The following NLRP14 variants were observed in gnomAD, a reference collection of about 807,000 sequenced individuals.
NLRP14 encodes the protein NLR family pyrin domain containing 14.
Under a neutral mutation model 94.7 loss-of-function variants are expected in NLRP14, and 105 were observed. The ratio of observed to expected loss-of-function variants is 1.11; its 90% CI spans 0.95 to 1.30. The LOEUF is 1.30. NLRP14 is among the 50% of genes most tolerant of loss of function. NLRP14 has a pLI of 0.00. For synonymous variants in NLRP14, 508 were observed against 459.9 expected, an observed-to-expected ratio of 1.10 and a Z score of -1.34; for missense variants, 1,362 against 1,254.1, an observed-to-expected ratio of 1.09 and a Z score of -1.30.
intron 1 of NLRP14, among the ~76,000 whole-genome samples, chr11:7,030,689 AG>A (rs917636070): frequency 7.4e-4 from 112 of 152,332 alleles, no homozygotes; most frequent in African/African-American, 2.5e-3. Context: ...ACTGCTAGAC[AG>A]GGTCCAGAAA....
At chr11:7,048,488 T>A (rs1482176242) in intron 5 of NLRP14, among the ~76,000 whole-genome samples, 1 of 152,176 alleles carries the variant, frequency 6.6e-6, no homozygotes. Context: ...TTGTTTCCAT[T>A]AGCACTGAAA....
At chr11:7,074,044 A>G (rs1308061103), downstream of NLRP14, among the ~76,000 whole-genome samples, 1 of 152,190 alleles carries the variant, frequency 6.6e-6, no homozygotes, top group Non-Finnish European at 1.5e-5. Flanking sequence ...GAAACTATCC[A>G]GGAGCCTCCA....
chr11:7,060,177 AT>A, intron 9 of NLRP14, 113 bp downstream of exon 9: 1 of 970,762 alleles, frequency 1.0e-6, no homozygotes, highest in Non-Finnish European at 1.6e-6. Flanking sequence ...TATAAAGCTG[AT>A]TTTCCCTCTC....
At chr11:7,040,547 A>G (rs1852233019) in intron 3 of NLRP14, among the ~76,000 whole-genome samples, 2 of 152,296 alleles carry the variant, frequency 1.3e-5, no homozygotes, top group Middle Eastern at 3.4e-3. Context: ...CTGGTGCCCA[A>G]AAGATTGGGG....
At chr11:7,080,657 T>A in the NLRP14 span, among the ~76,000 whole-genome samples, 1 of 152,284 alleles carries the variant, frequency 6.6e-6, no homozygotes, top group East Asian at 1.9e-4. Flanking sequence ...ATATGACATA[T>A]CATACATAGC....
intron 11 of NLRP14, among the ~76,000 whole-genome samples, 163 bp downstream of exon 11, chr11:7,070,619 C>A (rs1852780121): frequency 6.6e-6 from 1 of 152,060 alleles, no homozygotes; most frequent in African/African-American, 2.4e-5. Flanking sequence ...TTGAGAGATA[C>A]AATATAGCAT....
chr11:7,062,860 T>C (rs551453126), intron 10 of NLRP14, among the ~76,000 whole-genome samples: 2 of 152,250 alleles, frequency 1.3e-5, no homozygotes, highest in South Asian at 4.1e-4. Flanking sequence ...ATCTGTAAAA[T>C]ACTATGTTCT....
chr11:7,042,590 G>C lies in NLRP14; in HGVS notation c.564G>C (p.Gly188=), dbSNP rs1325665097. The C allele has an allele frequency of 6.2e-7, 1 of 1,614,082 alleles. No homozygotes were observed. The highest frequency in any genetic ancestry group is 8.5e-7 in the Non-Finnish European group (1 of 1,180,036). The part of the protein sequence containing the change: ...IVVLQGAAGV[G]KTTLVRKAML... The stretch of plus-strand genomic sequence containing the variant: ...TGCTTCAGGGAGCTGCTGGAGTTGG[G>C]AAAACAACCTTGGTGAGAAAGGCAA... Residue 188 remains glycine, a synonymous_variant, in exon 4 of 12, where the codon GGG becomes GGC. Coordinates refer to ENST00000299481, the MANE Select transcript of NLRP14 (RefSeq NM_176822.4).
At chr11:7,079,596 A>T in the NLRP14 span, among the ~76,000 whole-genome samples, 1 of 152,354 alleles carries the variant, frequency 6.6e-6, no homozygotes, top group East Asian at 1.9e-4. Flanking sequence ...TGAAGACCAT[A>T]TATGTTAGAA....
At chr11:7,029,977 C>T (rs1850875983) in intron 1 of NLRP14, among the ~76,000 whole-genome samples, 1 of 152,202 alleles carries the variant, frequency 6.6e-6, no homozygotes, top group Admixed American at 6.5e-5. Flanking sequence ...CTGGCTCCTC[C>T]TTTGCCAATA....
chr11:7,058,400 G>C lies in NLRP14; in HGVS notation c.2583G>C (p.Lys861Asn), dbSNP rs1372658237. ...ADNVLGDGGVKLMSDALQHAQ... is the reference protein window; with the variant it reads ...ADNVLGDGGVNLMSDALQHAQ... ...ATGTCTTGGGTGATGGTGGAGTAAA[G>C]CTTATGAGTGATGCCCTGCAACATG... Residue 861 changes from lysine to asparagine, a missense_variant, in exon 8 of 12, where the codon AAG becomes AAC. By Grantham distance (94) the Lys-to-Asn change is moderately conservative. Transcript: ENST00000299481. The C allele has an allele frequency of 6.2e-7, 1 of 1,612,762 alleles. No homozygotes were observed. Among genetic ancestry groups the C allele is most frequent in the Non-Finnish European group, 8.5e-7 (1 of 1,179,056 alleles).
the NLRP14 span, chr11:7,090,061 A>T: frequency 6.2e-7 from 1 of 1,612,492 alleles, no homozygotes; most frequent in Non-Finnish European, 8.5e-7. Context: ...TACCGGGGCT[A>T]CTCACCCGAT....
downstream of NLRP14, among the ~76,000 whole-genome samples, chr11:7,075,481 G>A (rs954669039): frequency 6.6e-6 from 1 of 152,190 alleles, no homozygotes; most frequent in South Asian, 2.1e-4. Context: ...GTCTCTTTGT[G>A]AGGTAGTTTT....
In NLRP14 at chr11:7,049,654, A is replaced by G. The variant is rs1178362035; in HGVS notation, c.2124-17A>G. 5 of 1,590,034 alleles carry G rather than the reference A, an allele frequency of 3.1e-6. No homozygotes were observed. The East Asian group carries it at 1.1e-4, about 36-fold the overall frequency. ...GAAATGGTTTTGTAATACCTCCTGC[A>G]TATTTTTCTTCTGAAGGTTGAAATT... is the stretch of plus-strand genomic sequence containing the variant. On this transcript the variant is annotated splice_polypyrimidine_tract_variant and intron_variant, in intron 5 of 11. Transcript: ENST00000299481.
At position 7,051,806 on chromosome 11, in the gene NLRP14, A is replaced by AAT. The variant is rs559295354; in HGVS notation, c.2291+1968_2291+1969insAT. On this transcript the variant is annotated intron_variant, in intron 6 of 11. Coordinates refer to ENST00000299481, the MANE Select transcript of NLRP14 (RefSeq NM_176822.4). Reference sequence around the variant, plus strand: ...CCCGGCTTATTTTTGTGTTTTTAGTAGAGATGGGGTTTCACCATGTTGGCC... The same window carrying AAT: ...CCCGGCTTATTTTTGTGTTTTTAGTAATGAGATGGGGTTTCACCATGTTGGCC... Among the ~76,000 whole-genome samples the AAT allele has an allele frequency of 5.1e-3, 779 of 152,186 alleles. 3 individuals are homozygous for AAT. The highest frequency in any genetic ancestry group is 0.012 in the African/African-American group (500 of 41,524).
At position 7,042,714 on chromosome 11, in the gene NLRP14, G is replaced by A; in HGVS notation, c.688G>A (p.Ala230Thr). 6.2e-7 allele frequency: 1 copy of A among 1,614,236 alleles called. No individual in the cohort carries two copies. Among genetic ancestry groups the A allele is most frequent in the Non-Finnish European group, 8.5e-7 (1 of 1,180,044 alleles). ...TAACCAGCTGAAAGAGAGAAGCTTTGCTCAATTGATATCAAAGGACTGGCC... is the reference window on the plus strand; with the variant it reads ...TAACCAGCTGAAAGAGAGAAGCTTTACTCAATTGATATCAAAGGACTGGCC... Reference protein sequence around the residue: ...EINQLKERSFAQLISKDWPST... With the variant: ...EINQLKERSFTQLISKDWPST... Residue 230 changes from alanine (A) to threonine (T), a missense_variant, in exon 4 of 12, where the codon GCT becomes ACT. By Grantham distance (58) the Ala-to-Thr change is moderately conservative. Transcript: ENST00000299481.
At chr11:7,023,224 A>G (rs1053584536) in intron 1 of NLRP14, among the ~76,000 whole-genome samples, 1 of 150,392 alleles carries the variant, frequency 6.6e-6, no homozygotes, top group African/African-American at 2.4e-5. Flanking sequence ...ACCATTTTAT[A>G]TACACATATA....
intron 1 of NLRP14, among the ~76,000 whole-genome samples, chr11:7,029,092 T>C (rs757470275): frequency 6.6e-6 from 1 of 152,130 alleles, no homozygotes; most frequent in Non-Finnish European, 1.5e-5. Context: ...ATGTGTATTG[T>C]TTATTGGGAG....
rs186295904 is a variant in NLRP14, at chr11:7,037,749, G to A, written c.-21-817G>A. Among the ~76,000 whole-genome samples the A allele has an allele frequency of 2.6e-3, 400 of 152,294 alleles. 1 individual carries two copies. The highest frequency in any genetic ancestry group is 9.7e-3 in the Admixed American group (148 of 15,300). ...CCACTCAGTTAACTGGAAGATATTA[G>A]TAAAAAATGGGTTATGGGAGTTTGC... is the stretch of plus-strand genomic sequence containing the variant. On this transcript the variant is annotated intron_variant, in intron 1 of 11. Coordinates refer to ENST00000299481, the MANE Select transcript of NLRP14 (RefSeq NM_176822.4).
Sources: gnomAD v4.1 joint callset for allele counts (sites outside exome capture counted in the v4.1 genomes callset) on GRCh38, gnomAD v4.1.1 for gene constraint, MANE v1.5 for transcripts, NCBI Gene and HGNC (gene_info 2026-07-23, HGNC 2026-07-21) for gene names.